RNMT: variants seen among roughly 807,000 people sequenced by gnomAD.
RNMT encodes mRNA cap guanine-N(7) methyltransferase.
In RNMT, 27 loss-of-function variants were observed where a neutral mutation model predicts 56.0. That is an observed-to-expected ratio of 0.48 (90% CI 0.36 to 0.67). The LOEUF is 0.67. Ranked by LOEUF, RNMT falls within the 30% of genes least tolerant of loss-of-function variation. The pLI, the probability that RNMT is intolerant of heterozygous loss-of-function variation, is 0.00. For missense variants in RNMT, 519 were observed against 552.1 expected, an observed-to-expected ratio of 0.94 and a Z score of 0.60; for synonymous variants, 184 against 176.2, an observed-to-expected ratio of 1.04 and a Z score of -0.35.
At chr18:13,732,685 T>C (rs894390593) in intron 3 of RNMT, among the ~76,000 whole-genome samples, 6 of 151,310 alleles carry the variant, frequency 4.0e-5, no homozygotes, top group African/African-American at 1.5e-4. Flanking sequence ...AAGTGACTGA[T>C]AGTGAGGCTT....
intron 8 of RNMT, among the ~76,000 whole-genome samples, chr18:13,745,181 G>GTGC (rs1352330818): frequency 1.3e-5 from 2 of 152,184 alleles, no homozygotes; most frequent in Admixed American, 1.3e-4. Flanking sequence ...ATGTCTTCGA[G>GTGC]ACCATGTTCT....
rs2044621228 is a variant in RNMT, at chr18:13,761,636, A to C, written c.*1657A>C. ...GGTAATACAAAGCAGGGAGAACAGA[A>C]AGGTAGAGTTACTAAGGCCTTCAGT... On this transcript the variant is annotated 3_prime_UTR_variant, in exon 12 of 12. Transcript: ENST00000383314. 2 of 1,003,924 alleles carry C rather than the reference A, an allele frequency of 2.0e-6. No homozygotes were observed. Among genetic ancestry groups the C allele is most frequent in the Non-Finnish European group, 2.4e-6 (2 of 841,002 alleles). The allele number at this position is 1,003,924 out of a possible 1,614,324, so 62.2% of individuals were successfully genotyped here.
At chr18:13,741,070 A>T (rs944189037) in intron 6 of RNMT, among the ~76,000 whole-genome samples, 8 of 152,242 alleles carry the variant, frequency 5.3e-5, no homozygotes, top group African/African-American at 9.6e-5. Flanking sequence ...ACCTTTAATC[A>T]TACACATTTT....
chr18:13,759,881 C>T (rs927637543), intron 11 of RNMT, 61 bp from the exon 12 acceptor site: 1 of 1,435,478 alleles, frequency 7.0e-7, no homozygotes, highest in Non-Finnish European at 9.8e-7. Context: ...ATGAACAAGA[C>T]AGATTGTTTT....
chr18:13,730,172 G>A (rs2044042126), intron 1 of RNMT, among the ~76,000 whole-genome samples: 1 of 152,200 alleles, frequency 6.6e-6, no homozygotes, highest in African/African-American at 2.4e-5. Context: ...ATAGTAGGAG[G>A]TCACTAAATT....
intron 8 of RNMT, among the ~76,000 whole-genome samples, chr18:13,745,936 T>G (rs8084585): frequency 0.25 from 38,486 of 152,044 alleles, 5,618 homozygotes; most frequent in Non-Finnish European, 0.34. Flanking sequence ...AGAAAAGAGT[T>G]TCCTACACTT....
intron 8 of RNMT, among the ~76,000 whole-genome samples, chr18:13,744,037 T>C (rs1349425332): frequency 6.6e-6 from 1 of 152,054 alleles, no homozygotes; most frequent in Non-Finnish European, 1.5e-5. Flanking sequence ...TGTGGAATGT[T>C]ATTGAGTATG....
chr18:13,756,722 T>C (rs2149108048), intron 11 of RNMT, among the ~76,000 whole-genome samples: 1 of 152,346 alleles, frequency 6.6e-6, no homozygotes, highest in East Asian at 1.9e-4. Context: ...GGTGTTCCTG[T>C]ACAAGTTGGG....
In RNMT at chr18:13,762,994, G is replaced by A. The variant is rs2044638229; in HGVS notation, c.*3015G>A. 6 of 438,936 alleles carry A rather than the reference G, an allele frequency of 1.4e-5. No homozygotes were observed. Among genetic ancestry groups the A allele is most frequent in the Admixed American group, 7.5e-5 (3 of 39,832 alleles). The allele number at this position is 438,936 out of a possible 1,614,324, so 27.2% of individuals were successfully genotyped here. ...TGTCTACCTCAGGCCTTGTGCATTTGGGTTATCTCAAGCCAGTCACCACAG... is the reference window on the plus strand; with the variant it reads ...TGTCTACCTCAGGCCTTGTGCATTTAGGTTATCTCAAGCCAGTCACCACAG... On this transcript the variant is annotated 3_prime_UTR_variant, in exon 12 of 12. Coordinates refer to ENST00000383314, the MANE Select transcript of RNMT (RefSeq NM_003799.3).
At chr18:13,727,026 G>T (rs1024079635) in intron 1 of RNMT, among the ~76,000 whole-genome samples, 1 of 152,170 alleles carries the variant, frequency 6.6e-6, no homozygotes, top group South Asian at 2.1e-4. Flanking sequence ...AGGGGCGTGG[G>T]GTCCGCAGGT....
At chr18:13,751,064 T>G (rs2044435337) in intron 9 of RNMT, among the ~76,000 whole-genome samples, 1 of 152,102 alleles carries the variant, frequency 6.6e-6, no homozygotes, top group African/African-American at 2.4e-5. Flanking sequence ...GGCAAAGACT[T>G]CATGACTAAA....
rs932861513 is a variant in RNMT at position 13,747,444 on chromosome 18, T to G, written c.1257+1107T>G. Among the ~76,000 whole-genome samples, 9 of 152,222 alleles carry G rather than the reference T, an allele frequency of 5.9e-5. 1 individual carries two copies. Among genetic ancestry groups the G allele is most frequent in the Non-Finnish European group, 1.5e-5 (1 of 68,034 alleles). On this transcript the variant is annotated intron_variant, in intron 9 of 11. Coordinates refer to ENST00000383314, the MANE Select transcript of RNMT (RefSeq NM_003799.3). The stretch of plus-strand genomic sequence containing the variant: ...GTTGCGCAGGCTGGTCTCAAACTCC[T>G]GGCCTCATCAAGCAATCCTCCCGCC...
intron 8 of RNMT, among the ~76,000 whole-genome samples, chr18:13,744,860 A>G (rs2044326504): frequency 6.6e-6 from 1 of 152,130 alleles, no homozygotes; most frequent in African/African-American, 2.4e-5. Flanking sequence ...CTTGTTGTCT[A>G]CAGATACATG....
Position 13,762,236 on chromosome 18 carries a change from G to A in RNMT, c.*2257G>A, listed in dbSNP as rs1261275929. On this transcript the variant is annotated 3_prime_UTR_variant, in exon 12 of 12. Coordinates refer to ENST00000383314, the MANE Select transcript of RNMT (RefSeq NM_003799.3). ...ACTGGGGATTGCGATGATTGATCTGGGAACATGGCTGGATTGTGATTTAAC... is the reference window on the plus strand; with the variant it reads ...ACTGGGGATTGCGATGATTGATCTGAGAACATGGCTGGATTGTGATTTAAC... 2.6e-5 allele frequency: 36 copies of A among 1,398,266 alleles called. No individual in the cohort carries two copies. The highest frequency in any genetic ancestry group is 3.3e-5 in the Non-Finnish European group (35 of 1,050,958). The allele number at this position is 1,398,266 out of a possible 1,614,324, so 86.6% of individuals were successfully genotyped here.
At position 13,752,402 on chromosome 18, in the gene RNMT, A is replaced by G. The variant is rs778731625; in HGVS notation, c.1334A>G (p.Lys445Arg). The change falls in exon 10 of 12, where the codon AAG (lysine) becomes AGG (arginine). Residue 445 changes from lysine (K) to arginine (R), a missense_variant. Transcript: ENST00000383314. ...DDYEHAAKYM[K>R]NSQVRLPLGT... The stretch of plus-strand genomic sequence containing the variant: ...TATGAACATGCAGCAAAGTACATGA[A>G]GAACAGTCAAGTAAGGTTACCTTTG... The G allele has an allele frequency of 3.7e-6, 6 of 1,609,826 alleles. No homozygotes were observed. In the South Asian group the frequency reaches 6.6e-5, roughly 18 times the overall value.
chr18:13,737,899 G>C (rs1006435019), intron 5 of RNMT, among the ~76,000 whole-genome samples: 1 of 150,694 alleles, frequency 6.6e-6, no homozygotes, highest in Non-Finnish European at 1.5e-5. Context: ...TATAGAATTA[G>C]AAAATCATAA....
Position 13,761,849 on chromosome 18 carries a change from C to G in RNMT, c.*1870C>G, listed in dbSNP as rs1047382892. 15 of 1,184,168 alleles carry G rather than the reference C, an allele frequency of 1.3e-5. No homozygotes were observed. Among genetic ancestry groups the G allele is most frequent in the Non-Finnish European group, 1.6e-5 (15 of 951,950 alleles). The allele number at this position is 1,184,168 out of a possible 1,614,324, so 73.4% of individuals were successfully genotyped here. On this transcript the variant is annotated 3_prime_UTR_variant, in exon 12 of 12. Transcript: ENST00000383314. Reference sequence around the variant, plus strand: ...TCTTCCTCCACCACCCTACACCCCCCTCCCCCCGGCCCCAAGCCCCTGTGT... The same window carrying G: ...TCTTCCTCCACCACCCTACACCCCCGTCCCCCCGGCCCCAAGCCCCTGTGT...
rs140901629 is a variant in RNMT, at chr18:13,763,137, T to C, written c.*3158T>C. The C allele has an allele frequency of 4.5e-4, 207 of 456,046 alleles. No homozygotes were observed. In the East Asian group the frequency reaches 8.7e-3, roughly 19 times the overall value. The allele number at this position is 456,046 out of a possible 1,614,324, so 28.2% of individuals were successfully genotyped here. A position where few individuals can be genotyped will look rare whatever the true frequency, so the allele number is the denominator to read the frequency against. On this transcript the variant is annotated 3_prime_UTR_variant, in exon 12 of 12. Transcript: ENST00000383314. Reference sequence around the variant, plus strand: ...CTGTTGGTCAAATAGGAAGTACAAGTGTGTGATGTTAGAACCTCCCTAGTT... The same window carrying C: ...CTGTTGGTCAAATAGGAAGTACAAGCGTGTGATGTTAGAACCTCCCTAGTT...
intron 9 of RNMT, 101 bp downstream of exon 9, chr18:13,746,438 T>C (rs1443078625): frequency 2.7e-6 from 2 of 743,998 alleles, no homozygotes; most frequent in East Asian, 2.5e-5. Flanking sequence ...TAGTTATGTG[T>C]ATTACGCTCT....
Sources: allele counts gnomAD v4.1 joint callset (sites outside exome capture counted in the v4.1 genomes callset), GRCh38; gene constraint gnomAD v4.1.1; transcripts MANE v1.5; gene names NCBI Gene and HGNC (gene_info 2026-07-23, HGNC 2026-07-21).